MAPK4: variants seen among roughly 807,000 people sequenced by gnomAD.
The protein encoded by MAPK4 is Erk3-related.
Under a neutral mutation model 47.7 loss-of-function variants are expected in MAPK4, and 22 were observed. The ratio of observed to expected loss-of-function variants is 0.46; its 90% CI spans 0.33 to 0.66. The LOEUF is 0.66. Among genes scored for constraint, MAPK4 ranks in the 30% least tolerant of loss-of-function variants. The pLI is 0.02. For synonymous variants in MAPK4, 390 were observed against 365.7 expected (o/e 1.07, Z -0.76); for missense variants, 736 against 831.7 (o/e 0.88, Z 1.42).
chr18:50,594,146 G>T (rs998981509), intron 1 of MAPK4, among the ~76,000 whole-genome samples: 3 of 152,188 alleles, frequency 2.0e-5, no homozygotes, highest in Non-Finnish European at 4.4e-5. Context: ...ATGAAAGCCG[G>T]AAGACTCAGC....
chr18:50,725,758 T>G (rs962754106), intron 4 of MAPK4, among the ~76,000 whole-genome samples: 3 of 152,256 alleles, frequency 2.0e-5, no homozygotes, highest in Non-Finnish European at 4.4e-5. Context: ...TCTGTTTAAT[T>G]CATTTACAAA....
chr18:50,729,671 C>G lies in MAPK4; in HGVS notation c.1581C>G (p.Ala527=). The change falls in exon 6 of 6, where the codon GCC becomes GCG. Residue 527 remains alanine, a synonymous_variant. Coordinates refer to ENST00000400384, the MANE Select transcript of MAPK4 (RefSeq NM_002747.4). ...RLSASPPGRP[A]PVDGGASPQF... ...CTGCCTCGCCCCCCGGCCGCCCGGCCCCGGTGGACGGCGGCGCCAGCCCCC... is the reference window on the plus strand; with the variant it reads ...CTGCCTCGCCCCCCGGCCGCCCGGCGCCGGTGGACGGCGGCGCCAGCCCCC... 1 of 1,524,340 alleles carries G rather than the reference C, an allele frequency of 6.6e-7. No homozygotes were observed. The highest frequency in any genetic ancestry group is 8.9e-7 in the Non-Finnish European group (1 of 1,129,676). 94.4% of individuals were successfully genotyped at this position (1,524,340 alleles called of 1,614,324 possible).
At chr18:50,613,793 A>G (rs112008726) in intron 1 of MAPK4, among the ~76,000 whole-genome samples, 2,457 of 152,286 alleles carry the variant, frequency 0.016, 66 homozygotes, top group African/African-American at 0.054. Flanking sequence ...TTTTACTTTT[A>G]TACTATTGTG....
intron 1 of MAPK4, among the ~76,000 whole-genome samples, chr18:50,568,011 A>G (rs1270777161): frequency 1.3e-5 from 2 of 151,944 alleles, no homozygotes; most frequent in African/African-American, 4.8e-5. Flanking sequence ...CCTGGCTAAC[A>G]CGGTGAAACC....
chr18:50,713,305 T>C (rs551411331), intron 2 of MAPK4, among the ~76,000 whole-genome samples: 1 of 152,334 alleles, frequency 6.6e-6, no homozygotes, highest in Admixed American at 6.5e-5. Flanking sequence ...AAAAATGACA[T>C]TGGCCCATCC....
intron 1 of MAPK4, among the ~76,000 whole-genome samples, chr18:50,570,862 G>A (rs1245474504): frequency 2.6e-5 from 4 of 152,184 alleles, no homozygotes; most frequent in Non-Finnish European, 5.9e-5. Context: ...CTGGACAAAG[G>A]GAGCCTGAGT....
Position 50,723,944 on chromosome 18 carries a change from G to T in MAPK4, c.853+1845G>T, listed in dbSNP as rs1305525882. Among the ~76,000 whole-genome samples the T allele has an allele frequency of 2.6e-5, 4 of 152,140 alleles. No homozygotes were observed. The East Asian group carries it at 5.8e-4, about 22-fold the overall frequency. ...TATCTGGGGACCTGCAGGAGGATCA[G>T]CTGTCAGGGAGAGGGAAGAGCAGAT... On this transcript the variant is annotated intron_variant, in intron 4 of 5. Transcript: ENST00000400384.
intron 2 of MAPK4, among the ~76,000 whole-genome samples, chr18:50,687,434 T>TG (rs1053969060): frequency 9.5e-4 from 144 of 152,338 alleles, no homozygotes; most frequent in Middle Eastern, 3.4e-3. Context: ...CAAATATCCT[T>TG]GGGGGCCCAA....
chr18:50,582,477 A>C (rs1464349411), intron 1 of MAPK4, among the ~76,000 whole-genome samples: 1 of 152,268 alleles, frequency 6.6e-6, no homozygotes, highest in African/African-American at 2.4e-5. Flanking sequence ...GAATTCCTGC[A>C]CTGGGCAGGT....
intron 1 of MAPK4, among the ~76,000 whole-genome samples, chr18:50,562,394 A>T (rs957156070): frequency 6.9e-6 from 1 of 145,392 alleles, no homozygotes; most frequent in South Asian, 2.3e-4. Context: ...TTCTCAAATA[A>T]ACTTCATTCT....
At chr18:50,625,848 G>C (rs1186130856) in intron 1 of MAPK4, among the ~76,000 whole-genome samples, 1 of 151,344 alleles carries the variant, frequency 6.6e-6, no homozygotes, top group African/African-American at 2.4e-5. Flanking sequence ...GTGTATTAGG[G>C]TTCTCCAGAG....
chr18:50,564,079 C>T (rs1174643702), intron 1 of MAPK4, among the ~76,000 whole-genome samples: 1 of 152,186 alleles, frequency 6.6e-6, no homozygotes, highest in Non-Finnish European at 1.5e-5. Flanking sequence ...AGGGTCCTTG[C>T]AGTCCCATGA....
intron 2 of MAPK4, among the ~76,000 whole-genome samples, chr18:50,700,136 C>A (rs779563561): frequency 6.6e-6 from 1 of 152,276 alleles, no homozygotes; most frequent in East Asian, 1.9e-4. Flanking sequence ...AAAGCCCAAG[C>A]CTTCTAATCA....
chr18:50,593,743 C>T (rs1391047798), intron 1 of MAPK4, among the ~76,000 whole-genome samples: 1 of 152,136 alleles, frequency 6.6e-6, no homozygotes, highest in Non-Finnish European at 1.5e-5. Flanking sequence ...TTTGTATGAA[C>T]ATGCACAAGA....
intron 1 of MAPK4, among the ~76,000 whole-genome samples, chr18:50,628,641 T>C (rs1284872003): frequency 1.3e-5 from 2 of 152,208 alleles, no homozygotes; most frequent in African/African-American, 2.4e-5. Context: ...GAGAGTGAAG[T>C]GGTGTCAACT....
intron 2 of MAPK4, among the ~76,000 whole-genome samples, chr18:50,707,993 G>A (rs574172532): frequency 2.0e-5 from 3 of 152,308 alleles, no homozygotes; most frequent in African/African-American, 7.2e-5. Flanking sequence ...TTAGCCAAAC[G>A]ATTTCTTCAC....
At chr18:50,701,077 A>G (rs1312963703) in intron 2 of MAPK4, among the ~76,000 whole-genome samples, 1 of 152,060 alleles carries the variant, frequency 6.6e-6, no homozygotes, top group Admixed American at 6.6e-5. Context: ...TCCTCCGCCT[A>G]TTAGAACATG....
intron 1 of MAPK4, among the ~76,000 whole-genome samples, chr18:50,592,569 ATCAACC>A (rs2042446852): frequency 6.6e-6 from 1 of 152,176 alleles, no homozygotes; most frequent in African/African-American, 2.4e-5. Context: ...CTTATTTTCT[ATCAACC>A]TTGTGTGACT....
Position 50,730,938 on chromosome 18 carries a change from G to GT in MAPK4, c.*1087dup, listed in dbSNP as rs1337602801. 6.6e-6 allele frequency: 1 copy of GT among 152,220 alleles called. No individual in the cohort carries two copies. The highest frequency in any genetic ancestry group is 1.5e-5 in the Non-Finnish European group (1 of 68,082). 9.4% of individuals were successfully genotyped at this position (152,220 alleles called of 1,614,324 possible). Reference sequence around the variant, plus strand: ...TAGAGCAAATGTGTTAGGAGAGAAGGTTTCACATGGGACCCAACATCCTTC... The same window carrying GT: ...TAGAGCAAATGTGTTAGGAGAGAAGGTTTTCACATGGGACCCAACATCCTTC... On this transcript the variant is annotated 3_prime_UTR_variant, in exon 6 of 6. Transcript: ENST00000400384.
Sources: allele counts gnomAD v4.1 joint callset (sites outside exome capture counted in the v4.1 genomes callset), GRCh38; gene constraint gnomAD v4.1.1; transcripts MANE v1.5; gene names NCBI Gene and HGNC (gene_info 2026-07-23, HGNC 2026-07-21).